The following TBCK variants were observed in gnomAD, a reference collection of about 807,000 sequenced individuals.
TBCK encodes TBC1 domain containing kinase, also known as TBC domain-containing protein kinase-like protein.
In TBCK, 99 loss-of-function variants were observed where a neutral mutation model predicts 113.4. The observed-to-expected ratio is 0.87, with a 90% CI of 0.74 to 1.03. TBCK has a LOEUF of 1.03. Ranked by LOEUF, TBCK falls within the 50% of genes least tolerant of loss-of-function variation. The pLI, the probability that TBCK is intolerant of heterozygous loss-of-function variation, is 0.00. For missense variants in TBCK, 1,045 were observed against 1,061.3 expected, an observed-to-expected ratio of 0.98 and a Z score of 0.21; for synonymous variants, 369 against 370.8, an observed-to-expected ratio of 1.00 and a Z score of 0.05.
Position 106,276,617 on chromosome 4 carries a change from G to A in TBCK, c.267-14405C>T, listed in dbSNP as rs559168598. On this transcript the variant is annotated intron_variant, in intron 3 of 25. Coordinates refer to ENST00000394708, the MANE Select transcript of TBCK (RefSeq NM_001163435.3). ...AAAAAATAGGCAAGCCTGGCCAGGC[G>A]CAGTGTGGCTCACGCCTATAATCCC... 1.8e-4 allele frequency among the ~76,000 whole-genome samples: 27 copies of A among 152,276 alleles called. 1 individual carries two copies. In the South Asian group the frequency reaches 5.4e-3, roughly 30 times the overall value.
At chr4:106,154,819 A>G (rs1483274346) in intron 23 of TBCK, among the ~76,000 whole-genome samples, 1 of 152,166 alleles carries the variant, frequency 6.6e-6, no homozygotes, top group East Asian at 1.9e-4. Context: ...CAGTTATAGC[A>G]GTTTGAGAAT....
chr4:106,288,667 C>T (rs1050129169), intron 3 of TBCK, among the ~76,000 whole-genome samples: 9 of 152,230 alleles, frequency 5.9e-5, no homozygotes, highest in Admixed American at 3.9e-4. Context: ...TTTTGCTCAG[C>T]GTAATATTTA....
chr4:106,245,208 C>T (rs1478239349), intron 10 of TBCK, among the ~76,000 whole-genome samples: 2 of 152,168 alleles, frequency 1.3e-5, no homozygotes, highest in South Asian at 2.1e-4. Context: ...TAGCCCCACA[C>T]TTTTGTGAGT....
At position 106,233,621 on chromosome 4, in the gene TBCK, A is replaced by C. The variant is rs745967317; in HGVS notation, c.1479T>G (p.Ile493Met). ...CTGTAGGAATTGGAGTGTCTTTATC[A>C]ATTGCATCGTACTTGGCATGAATAG... ...EGAIHAKYDA[I>M]DKDTPIPTDR... Residue 493 changes from isoleucine to methionine, a missense_variant, in exon 16 of 26, where the codon ATT (isoleucine) becomes ATG (methionine). Ile to Met is a conservative substitution (Grantham distance 10). Transcript: ENST00000394708. 3.2e-5 allele frequency: 51 copies of C among 1,611,174 alleles called. No individual in the cohort carries two copies. Among genetic ancestry groups the C allele is most frequent in the Non-Finnish European group, 4.3e-5 (51 of 1,178,454 alleles).
chr4:106,057,914 A>T (rs1218415040), intron 25 of TBCK, among the ~76,000 whole-genome samples: 1 of 151,790 alleles, frequency 6.6e-6, no homozygotes, highest in Non-Finnish European at 1.5e-5. Context: ...CTCTTGCCTC[A>T]CAAGTTTCCA....
chr4:106,203,372 TAC>T (rs1327808715), intron 20 of TBCK, among the ~76,000 whole-genome samples: 1 of 151,566 alleles, frequency 6.6e-6, no homozygotes, highest in Non-Finnish European at 1.5e-5. Context: ...AATATTTTAA[TAC>T]AGTTTTTTAC....
chr4:106,227,334 C>T (rs1393839760), intron 19 of TBCK, among the ~76,000 whole-genome samples: 1 of 149,658 alleles, frequency 6.7e-6, no homozygotes, highest in Non-Finnish European at 1.5e-5. Context: ...TTTCTCTATA[C>T]CTCAAGGTAC....
At chr4:106,225,264 G>T (rs1165089090) in intron 19 of TBCK, among the ~76,000 whole-genome samples, 4 of 151,598 alleles carry the variant, frequency 2.6e-5, no homozygotes, top group Non-Finnish European at 5.9e-5. Context: ...CATTTATGGT[G>T]GCTTTAAAGA....
intron 25 of TBCK, among the ~76,000 whole-genome samples, chr4:106,094,343 A>G (rs979971738): frequency 6.6e-6 from 1 of 152,172 alleles, no homozygotes; most frequent in African/African-American, 2.4e-5. Flanking sequence ...ATTTTCCAAT[A>G]AAAAAATTCA....
chr4:106,200,805 T>C (rs1198637535), intron 20 of TBCK, among the ~76,000 whole-genome samples: 15 of 152,226 alleles, frequency 9.9e-5, no homozygotes, highest in African/African-American at 3.6e-4. Flanking sequence ...AATCAAATAT[T>C]TGTTGAAAGA....
At chr4:106,168,331 A>T (rs1415347819) in intron 23 of TBCK, among the ~76,000 whole-genome samples, 1 of 151,892 alleles carries the variant, frequency 6.6e-6, no homozygotes, top group Non-Finnish European at 1.5e-5. Context: ...AATTGGGAAT[A>T]AAAGAGACCT....
chr4:106,161,222 TA>T (rs1056568470), intron 23 of TBCK, among the ~76,000 whole-genome samples: 13 of 152,052 alleles, frequency 8.5e-5, no homozygotes, highest in East Asian at 1.9e-4. Context: ...TTTATCACAA[TA>T]AAAAAATTAG....
intron 5 of TBCK, 109 bp from the exon 6 acceptor site, chr4:106,252,116 TAAC>T: frequency 1.2e-6 from 1 of 827,804 alleles, no homozygotes; most frequent in Non-Finnish European, 1.8e-6. Flanking sequence ...GCAATTAAAT[TAAC>T]AACTGTTGCT....
In TBCK at chr4:106,230,375, G is replaced by GT; in HGVS notation, c.1761dup (p.His588ThrfsTer18). On this transcript the variant is annotated frameshift_variant, in exon 19 of 26. Transcript: ENST00000394708. LOFTEE classifies it high-confidence loss of function. Reference sequence around the variant, plus strand: ...GACATTTGCTTACCTTGTATTACATGTGAGTTGTCTTTTAAGAAGAAGTTA... The same window carrying GT: ...GACATTTGCTTACCTTGTATTACATGTTGAGTTGTCTTTTAAGAAGAAGTTA... The GT allele has an allele frequency of 6.3e-7, 1 of 1,594,060 alleles. No individual in the cohort carries two copies. The highest frequency in any genetic ancestry group is 8.6e-7 in the Non-Finnish European group (1 of 1,165,302).
rs73839406 is a variant in TBCK at position 106,287,182 on chromosome 4, T to C, written c.266+7912A>G. Among the ~76,000 whole-genome samples the C allele has an allele frequency of 5.6e-3, 848 of 152,256 alleles. 9 individuals are homozygous for C. Among genetic ancestry groups the C allele is most frequent in the African/African-American group, 0.016 (682 of 41,556 alleles). ...TCAGGATGTATAGCAATTCTGATCA[T>C]AGCTATGTCCATAAAGACCCTATTT... On this transcript the variant is annotated intron_variant, in intron 3 of 25. Coordinates refer to ENST00000394708, the MANE Select transcript of TBCK (RefSeq NM_001163435.3).
intron 24 of TBCK, among the ~76,000 whole-genome samples, chr4:106,099,166 T>C (rs1741266032): frequency 6.6e-6 from 1 of 152,082 alleles, no homozygotes; most frequent in African/African-American, 2.4e-5. Context: ...TATAGGTAAA[T>C]TACATGGTAG....
chr4:106,074,232 C>G (rs1342564266), intron 25 of TBCK, among the ~76,000 whole-genome samples: 1 of 152,194 alleles, frequency 6.6e-6, no homozygotes, highest in Non-Finnish European at 1.5e-5. Flanking sequence ...TGTTCCTATT[C>G]AGCCATCTTG....
At chr4:106,096,260 T>C (rs987752685) in intron 24 of TBCK, among the ~76,000 whole-genome samples, 1 of 152,174 alleles carries the variant, frequency 6.6e-6, no homozygotes, top group Non-Finnish European at 1.5e-5. Context: ...GAGTAATGAC[T>C]TTTCTCTCAG....
intron 24 of TBCK, among the ~76,000 whole-genome samples, chr4:106,105,875 A>G (rs1012076562): frequency 6.6e-6 from 1 of 152,232 alleles, no homozygotes; most frequent in African/African-American, 2.4e-5. Context: ...AAATGACTGC[A>G]TCAGTCCTCC....
Sources: gnomAD v4.1 joint callset for allele counts (sites outside exome capture counted in the v4.1 genomes callset) on GRCh38, gnomAD v4.1.1 for gene constraint, MANE v1.5 for transcripts, NCBI Gene and HGNC (gene_info 2026-07-23, HGNC 2026-07-21) for gene names.